The following NLGN1 variants were observed in gnomAD, a reference collection of about 807,000 sequenced individuals.
The protein encoded by NLGN1 is neuroligin 1.
NLGN1 carries 12 observed loss-of-function variants against 65.5 expected under a neutral mutation model. That is an observed-to-expected ratio of 0.18 (90% confidence interval 0.12 to 0.30). NLGN1 has a LOEUF of 0.30. NLGN1 is among the 10% of genes least tolerant of loss of function. The pLI is 1.00. For synonymous variants in NLGN1, 350 were observed against 359.5 expected, an observed-to-expected ratio of 0.97 and a Z score of 0.30; for missense variants, 750 against 1,007.1, an observed-to-expected ratio of 0.74 and a Z score of 3.46.
chr3:173,886,739 G>C (rs746850395), intron 4 of NLGN1, among the ~76,000 whole-genome samples: 7 of 152,008 alleles, frequency 4.6e-5, no homozygotes, highest in Non-Finnish European at 1.0e-4. Flanking sequence ...TTTCAACTCA[G>C]GCAATTCCTA....
At chr3:173,625,651 A>C (rs138095163) in intron 3 of NLGN1, among the ~76,000 whole-genome samples, 252 of 152,280 alleles carry the variant, frequency 1.7e-3, no homozygotes, top group Non-Finnish European at 2.8e-3. Flanking sequence ...ATTAATAATA[A>C]ATTGATATAT....
chr3:173,629,745 T>A (rs1467410289), intron 3 of NLGN1, among the ~76,000 whole-genome samples: 1 of 152,104 alleles, frequency 6.6e-6, no homozygotes, highest in Non-Finnish European at 1.5e-5. Flanking sequence ...CTTGACACCT[T>A]GTTTAATATT....
chr3:173,497,397 T>A (rs2037566), intron 2 of NLGN1, among the ~76,000 whole-genome samples: 90,046 of 148,710 alleles, frequency 0.61, 31,733 homozygotes, highest in East Asian at 0.93. Flanking sequence ...TCAAAATAAA[T>A]AAATAAATAA....
At chr3:173,469,580 G>T (rs577656804) in intron 2 of NLGN1, among the ~76,000 whole-genome samples, 1 of 151,890 alleles carries the variant, frequency 6.6e-6, no homozygotes, top group Non-Finnish European at 1.5e-5. Context: ...TGACATTTGG[G>T]TGATGCCTAG....
chr3:173,905,332 G>A (rs1174239176), intron 4 of NLGN1, among the ~76,000 whole-genome samples: 2 of 152,150 alleles, frequency 1.3e-5, no homozygotes, highest in African/African-American at 4.8e-5. Context: ...CTAGAGTGAG[G>A]AGAGCCAAAG....
intron 4 of NLGN1, among the ~76,000 whole-genome samples, chr3:173,906,009 C>A (rs980838687): frequency 6.6e-6 from 1 of 152,192 alleles, no homozygotes; most frequent in Non-Finnish European, 1.5e-5. Context: ...GATTTTAATA[C>A]TATTGTTTTC....
chr3:174,244,484 C>G (rs1434320134), intron 4 of NLGN1, among the ~76,000 whole-genome samples: 2 of 152,086 alleles, frequency 1.3e-5, no homozygotes, highest in East Asian at 1.9e-4. Flanking sequence ...CCATACAGAA[C>G]AATGTTTTTC....
chr3:173,904,804 A>C (rs920794956), intron 4 of NLGN1, among the ~76,000 whole-genome samples: 9 of 152,172 alleles, frequency 5.9e-5, no homozygotes, highest in African/African-American at 2.2e-4. Flanking sequence ...ATTTGACAGA[A>C]AATGCCAACA....
At position 173,557,541 on chromosome 3, in the gene NLGN1, A is replaced by G. The variant is rs372495949; in HGVS notation, c.-320-46738A>G. Among the ~76,000 whole-genome samples, 5 of 152,148 alleles carry G rather than the reference A, an allele frequency of 3.3e-5. No homozygotes were observed. In the East Asian group the frequency reaches 9.6e-4, roughly 29 times the overall value. The stretch of plus-strand genomic sequence containing the variant: ...GATTCTGTTTTTCTGTGCTCTTTAA[A>G]TAATTGAATGTATTTAAGCCTTCTG... On this transcript the variant is annotated intron_variant, in intron 2 of 6. Transcript: ENST00000457714.
chr3:173,972,912 A>T (rs1716599690), intron 4 of NLGN1, among the ~76,000 whole-genome samples: 1 of 152,118 alleles, frequency 6.6e-6, no homozygotes, highest in South Asian at 2.1e-4. Context: ...CTGTATTTTA[A>T]CAAACCCTCC....
At chr3:174,084,120 T>G (rs981570158) in intron 4 of NLGN1, among the ~76,000 whole-genome samples, 2 of 152,236 alleles carry the variant, frequency 1.3e-5, no homozygotes, top group Admixed American at 6.5e-5. Context: ...TTTTTTTAAC[T>G]TTAGTACTTT....
chr3:173,548,443 G>A (rs945786421), intron 2 of NLGN1, among the ~76,000 whole-genome samples: 1 of 151,714 alleles, frequency 6.6e-6, no homozygotes, highest in Non-Finnish European at 1.5e-5. Context: ...GAGTAAACTG[G>A]GAACTGTGCT....
chr3:174,143,375 A>T (rs1722640787), intron 4 of NLGN1, among the ~76,000 whole-genome samples: 1 of 152,210 alleles, frequency 6.6e-6, no homozygotes, highest in South Asian at 2.1e-4. Flanking sequence ...AGTGAAGAGA[A>T]TGACAGAAAC....
At chr3:173,472,019 A>G (rs898021129) in intron 2 of NLGN1, among the ~76,000 whole-genome samples, 10 of 152,088 alleles carry the variant, frequency 6.6e-5, no homozygotes, top group African/African-American at 2.4e-4. Flanking sequence ...TTAATATAAA[A>G]CTCACCAGAA....
At chr3:173,816,396 G>A (rs1719047846) in intron 4 of NLGN1, among the ~76,000 whole-genome samples, 1 of 152,186 alleles carries the variant, frequency 6.6e-6, no homozygotes, top group East Asian at 1.9e-4. Context: ...AGGCTAAATA[G>A]CATTCAGTGG....
At chr3:173,683,848 T>C (rs892322931) in intron 3 of NLGN1, among the ~76,000 whole-genome samples, 3 of 152,134 alleles carry the variant, frequency 2.0e-5, no homozygotes, top group Admixed American at 6.6e-5. Context: ...CAGATGCATA[T>C]TGTCACCATT....
chr3:173,659,992 C>T (rs1342016413), intron 3 of NLGN1, among the ~76,000 whole-genome samples: 1 of 151,932 alleles, frequency 6.6e-6, no homozygotes, highest in Non-Finnish European at 1.5e-5. Context: ...CCTTAACTGG[C>T]AGATATGCAA....
chr3:173,906,380 T>C (rs1442071926), intron 4 of NLGN1, among the ~76,000 whole-genome samples: 1 of 152,176 alleles, frequency 6.6e-6, no homozygotes, highest in Non-Finnish European at 1.5e-5. Flanking sequence ...ATAAACTAAT[T>C]GATAATTTAT....
intron 4 of NLGN1, among the ~76,000 whole-genome samples, chr3:174,198,213 G>A (rs1733821951): frequency 6.6e-6 from 1 of 152,112 alleles, no homozygotes; most frequent in Non-Finnish European, 1.5e-5. Context: ...TATCAGGTAT[G>A]TATTGTAGGT....
Sources: allele counts gnomAD v4.1 joint callset (sites outside exome capture counted in the v4.1 genomes callset), GRCh38; gene constraint gnomAD v4.1.1; transcripts MANE v1.5; gene names NCBI Gene and HGNC (gene_info 2026-07-23, HGNC 2026-07-21).